Variants in NFIC observed in about 807,000 individuals in gnomAD.
The protein encoded by NFIC is nuclear factor I C.
NFIC carries 12 observed loss-of-function variants against 54.4 expected under a neutral mutation model. The observed-to-expected ratio is 0.22, with a 90% confidence interval of 0.14 to 0.36. The LOEUF (loss-of-function observed/expected upper bound fraction) is 0.36. Ranked by LOEUF, NFIC falls within the 10% of genes least tolerant of loss-of-function variation. The pLI, the probability that NFIC is intolerant of heterozygous loss-of-function variation, is 1.00. For missense variants in NFIC, 575 were observed against 718.2 expected (o/e 0.80, Z 2.28); for synonymous variants, 322 against 319.2 (o/e 1.01, Z -0.09).
chr19:3,427,727 T>C (rs2082047882), intron 3 of NFIC, among the ~76,000 whole-genome samples: 1 of 146,542 alleles, frequency 6.8e-6, no homozygotes, highest in Non-Finnish European at 1.5e-5. Context: ...GTCGGGAGGC[T>C]GAGGCAGGAG....
chr19:3,380,963 C>G (rs1233578474), intron 1 of NFIC, among the ~76,000 whole-genome samples: 1 of 152,130 alleles, frequency 6.6e-6, no homozygotes, highest in Non-Finnish European at 1.5e-5. Context: ...CCAACCCTAG[C>G]TGCAATAGGC....
At chr19:3,366,506 C>A, upstream of NFIC, 1 of 478,158 alleles carries the variant, frequency 2.1e-6, no homozygotes, top group Non-Finnish European at 3.4e-6. Flanking sequence ...AGGGAGGAGG[C>A]GGCGAGGAGA....
At chr19:3,359,857 C>T (rs1003810433) in intron 1 of NFIC, among the ~76,000 whole-genome samples, 2 of 150,318 alleles carry the variant, frequency 1.3e-5, no homozygotes, top group African/African-American at 4.9e-5. Flanking sequence ...ACCCACGATC[C>T]CCCCCCGCAC....
At chr19:3,396,285 C>T (rs2081461787) in intron 2 of NFIC, among the ~76,000 whole-genome samples, 2 of 151,698 alleles carry the variant, frequency 1.3e-5, no homozygotes. Context: ...TCCTGGCTAA[C>T]GTGGTGAAAC....
chr19:3,438,402 G>A (rs1315496751), intron 6 of NFIC, among the ~76,000 whole-genome samples: 1 of 151,140 alleles, frequency 6.6e-6, no homozygotes, highest in Non-Finnish European at 1.5e-5. Flanking sequence ...CTCAGGGGAT[G>A]GCAAACTCAC....
intron 1 of NFIC, among the ~76,000 whole-genome samples, chr19:3,379,347 C>T (rs552521875): frequency 3.3e-4 from 49 of 150,626 alleles, no homozygotes; most frequent in Middle Eastern, 7.2e-3. Flanking sequence ...CATGAACCAC[C>T]GCGCCCAGCC....
At chr19:3,401,474 C>T (rs1000554064) in intron 2 of NFIC, among the ~76,000 whole-genome samples, 2 of 152,200 alleles carry the variant, frequency 1.3e-5, no homozygotes, top group African/African-American at 4.8e-5. Context: ...TCGTTTATAC[C>T]TTATCTGAGG....
chr19:3,464,797 C>CTCCG lies in NFIC; in HGVS notation c.*2035_*2038dup. On this transcript the variant is annotated 3_prime_UTR_variant, in exon 11 of 11. Transcript: ENST00000443272. ...TCCTCTGGCCTCGAGCCCTTGGTCC[C>CTCCG]TCCGTCCGTCTGTCCTCGGGGCCCG... The CTCCG allele has an allele frequency of 1.2e-6, 1 of 811,312 alleles. No homozygotes were observed. The highest frequency in any genetic ancestry group is 1.5e-6 in the Non-Finnish European group (1 of 671,026). The allele number at this position is 811,312 out of a possible 1,614,324, so 50.3% of individuals were successfully genotyped here. A position where few individuals can be genotyped will look rare whatever the true frequency, so the allele number is the denominator to read the frequency against.
Position 3,464,013 on chromosome 19 carries a change from C to T in NFIC, c.*1244C>T, listed in dbSNP as rs1030334201. On this transcript the variant is annotated 3_prime_UTR_variant, in exon 11 of 11. Transcript: ENST00000443272. Reference sequence around the variant, plus strand: ...GCGTGGCCCGAGGGGCAGAGCTGGGCGTCACTTCGCAAGCGTCCTGCCCTG... The same window carrying T: ...GCGTGGCCCGAGGGGCAGAGCTGGGTGTCACTTCGCAAGCGTCCTGCCCTG... 1.0e-6 allele frequency: 1 copy of T among 985,244 alleles called. No homozygotes were observed. Among genetic ancestry groups the T allele is most frequent in the Non-Finnish European group, 1.2e-6 (1 of 829,904 alleles). 61.0% of individuals were successfully genotyped at this position (985,244 alleles called of 1,614,324 possible).
chr19:3,392,232 C>T (rs150983349), intron 2 of NFIC, among the ~76,000 whole-genome samples: 3,253 of 152,032 alleles, frequency 0.021, 60 homozygotes, highest in Non-Finnish European at 0.027. Flanking sequence ...TCACCACACC[C>T]GGCTAATTGT....
chr19:3,390,074 C>T (rs1056106446), intron 2 of NFIC, among the ~76,000 whole-genome samples: 4 of 152,132 alleles, frequency 2.6e-5, no homozygotes, highest in South Asian at 2.1e-4. Flanking sequence ...GTCCCAGTGC[C>T]GCCGTGAAAC....
At chr19:3,365,921 G>A (rs1329211631), upstream of NFIC, among the ~76,000 whole-genome samples, 2 of 152,224 alleles carry the variant, frequency 1.3e-5, no homozygotes, top group African/African-American at 4.8e-5. Flanking sequence ...TGGCTCTGGG[G>A]GGAGAAGGGA....
rs913145791 is a variant in NFIC, at chr19:3,369,977, C to T, written c.30+3311C>T. On this transcript the variant is annotated intron_variant, in intron 1 of 10. Transcript: ENST00000443272. This position sits in a 1 kb window ranked among gnomAD's most constrained non-coding sequence, Gnocchi z 4.3. The stretch of plus-strand genomic sequence containing the variant: ...GTAACCGAGGCTGGGAGAGGCTGTC[C>T]TCCCACCCCAGACCCCCGACCTTTG... Among the ~76,000 whole-genome samples, 1 of 152,198 alleles carries T rather than the reference C, an allele frequency of 6.6e-6. No homozygotes were observed.
At chr19:3,447,550 G>A (rs1341883302) in intron 6 of NFIC, among the ~76,000 whole-genome samples, 1 of 152,190 alleles carries the variant, frequency 6.6e-6, no homozygotes, top group African/African-American at 2.4e-5. Flanking sequence ...CGTTCCCTCG[G>A]AAAGCAGGGC....
At chr19:3,423,063 T>TGAC (rs1401965495) in intron 2 of NFIC, among the ~76,000 whole-genome samples, 1 of 152,042 alleles carries the variant, frequency 6.6e-6, no homozygotes, top group African/African-American at 2.4e-5. Context: ...CCAGGCGTGA[T>TGAC]GACGCGCGCC....
Position 3,464,515 on chromosome 19 carries a change from A to G in NFIC, c.*1746A>G. The G allele has an allele frequency of 1.0e-6, 1 of 973,186 alleles. No individual in the cohort carries two copies. The highest frequency in any genetic ancestry group is 1.9e-5 in the African/African-American group (1 of 53,274). The allele number at this position is 973,186 out of a possible 1,614,324, so 60.3% of individuals were successfully genotyped here. On this transcript the variant is annotated 3_prime_UTR_variant, in exon 11 of 11. Coordinates refer to ENST00000443272, the MANE Select transcript of NFIC (RefSeq NM_001245002.2). ...AGGGCCACCGAGCTCAAACACAAGGACCCCTCCCCGGCCCACCCAGCCCAG... is the reference window on the plus strand; with the variant it reads ...AGGGCCACCGAGCTCAAACACAAGGGCCCCTCCCCGGCCCACCCAGCCCAG...
At chr19:3,451,733 A>G (rs1312300792) in intron 7 of NFIC, among the ~76,000 whole-genome samples, 3 of 151,630 alleles carry the variant, frequency 2.0e-5, no homozygotes, top group Non-Finnish European at 4.4e-5. Context: ...CTGGGTTCAA[A>G]TTCCCGGTCT....
At chr19:3,434,938 G>A (rs2082175109) in intron 5 of NFIC, 145 bp from the exon 6 acceptor site, 1 of 1,158,566 alleles carries the variant, frequency 8.6e-7, no homozygotes, top group Non-Finnish European at 1.2e-6. Context: ...GGAACGGGCT[G>A]AACGCCCGCG....
At chr19:3,447,643 A>G (rs534351662) in intron 6 of NFIC, among the ~76,000 whole-genome samples, 3 of 152,272 alleles carry the variant, frequency 2.0e-5, no homozygotes, top group East Asian at 3.9e-4. Flanking sequence ...CCCTGGCCCA[A>G]TCCTCACAGC....
Sources: gnomAD v4.1 joint callset for allele counts (sites outside exome capture counted in the v4.1 genomes callset) on GRCh38, gnomAD v4.1.1 for gene constraint, Gnocchi (gnomAD v3.1) non-coding constraint, MANE v1.5 for transcripts, NCBI Gene and HGNC (gene_info 2026-07-23, HGNC 2026-07-21) for gene names.